The following SLC38A8 variants were observed in gnomAD, a reference collection of about 807,000 sequenced individuals.
SLC38A8 encodes the protein amino acid transporter SLC38A8.
Under a neutral mutation model 46.0 loss-of-function variants are expected in SLC38A8, and 65 were observed. That is an observed-to-expected ratio of 1.41 (90% CI 1.16 to 1.74). SLC38A8 has a LOEUF of 1.74. Among genes scored for constraint, SLC38A8 ranks in the 40% most tolerant of loss-of-function variants. The pLI is 0.00. For synonymous variants in SLC38A8, 447 were observed against 243.7 expected (o/e 1.83, Z -7.77); for missense variants, 998 against 567.9 (o/e 1.76, Z -7.70).
Position 84,036,758 on chromosome 16 carries a change from T to G in SLC38A8, c.332A>C (p.Asn111Thr), listed in dbSNP as rs373620867. The G allele has an allele frequency of 1.9e-6, 3 of 1,613,986 alleles. No individual in the cohort carries two copies. The highest frequency in any genetic ancestry group is 1.7e-6 in the Non-Finnish European group (2 of 1,179,978). The change falls in exon 3 of 11, where the codon AAC (asparagine) becomes ACC (threonine). Residue 111 changes from asparagine to threonine, a missense_variant. Transcript: ENST00000299709. The stretch of plus-strand genomic sequence containing the variant: ...GAAGGCCACGGAGATCATGAGCAGG[T>G]TGAGGAGGAAGCAGGCCTCACACAG... ...GKLCEACFLL[N>T]LLMISVAFLR...
At chr16:84,023,102 G>A (rs138642398) in intron 6 of SLC38A8, among the ~76,000 whole-genome samples, 105 of 151,890 alleles carry the variant, frequency 6.9e-4, no homozygotes, top group African/African-American at 2.2e-3. Context: ...GCCCAAACAC[G>A]CCACAGTACC....
rs533956458 is a variant in SLC38A8 at position 84,018,475 on chromosome 16, T to C, written c.806-1188A>G. Among the ~76,000 whole-genome samples the C allele has an allele frequency of 3.9e-5, 6 of 152,170 alleles. No individual in the cohort carries two copies. In the East Asian group the frequency reaches 1.2e-3, roughly 29 times the overall value. ...ACCTCGTGATCCACCCGCCCTGGCC[T>C]CCCAAAGTGCTGGGATTACAGGCAT... is the stretch of plus-strand genomic sequence containing the variant. On this transcript the variant is annotated intron_variant, in intron 7 of 10. Coordinates refer to ENST00000299709, the MANE Select transcript of SLC38A8 (RefSeq NM_001080442.3).
rs59512513 is a variant in SLC38A8, at chr16:84,038,672, C to A, written c.190-1772G>T. 3.9e-5 allele frequency among the ~76,000 whole-genome samples: 6 copies of A among 152,300 alleles called. No homozygotes were observed. In the East Asian group the frequency reaches 1.2e-3, roughly 29 times the overall value. On this transcript the variant is annotated intron_variant, in intron 2 of 10. Coordinates refer to ENST00000299709, the MANE Select transcript of SLC38A8 (RefSeq NM_001080442.3). ...GCACATGTGCCAGCCAAACTGCTAC[C>A]CACAGGCGGAACATCGCCACACCCC... is the stretch of plus-strand genomic sequence containing the variant.
rs775462704 is a variant in SLC38A8 at position 84,033,460 on chromosome 16, G to C, written c.398C>G (p.Ser133Cys). 5.6e-6 allele frequency: 9 copies of C among 1,605,330 alleles called. No individual in the cohort carries two copies. The highest frequency in any genetic ancestry group is 7.7e-6 in the Non-Finnish European group (9 of 1,176,158). The change falls in exon 4 of 11, where the codon TCC (serine) becomes TGC (cysteine). Residue 133 changes from serine (S) to cysteine (C), a missense_variant. Transcript: ENST00000299709. ...IGDQLEKLCD[S>C]LLSGTPPAPQ... The stretch of plus-strand genomic sequence containing the variant: ...GGCGGGCGGGGTGCCAGACAGGAGG[G>C]AGTCACACACTGCCAGAGACACGGG...
rs756044270 is a variant in SLC38A8 at position 84,033,485 on chromosome 16, G to T, written c.389-16C>A. 6.3e-7 allele frequency: 1 copy of T among 1,583,158 alleles called. No individual in the cohort carries two copies. Among genetic ancestry groups the T allele is most frequent in the Admixed American group, 1.8e-5 (1 of 56,966 alleles). On this transcript the variant is annotated splice_polypyrimidine_tract_variant and intron_variant, in intron 3 of 10. Transcript: ENST00000299709. ...GAGTCACACACTGCCAGAGACACGG[G>T]GAGAGCTGAGCCACAGAGTACAAAT... is the stretch of plus-strand genomic sequence containing the variant.
intron 6 of SLC38A8, among the ~76,000 whole-genome samples, chr16:84,025,909 G>T (rs533565303): frequency 6.6e-6 from 1 of 152,212 alleles, no homozygotes; most frequent in Non-Finnish European, 1.5e-5. Flanking sequence ...CCAGCAGGGG[G>T]GACGCAACCC....
intron 10 of SLC38A8, among the ~76,000 whole-genome samples, chr16:84,011,371 G>T (rs1006563319): frequency 6.6e-6 from 1 of 152,192 alleles, no homozygotes; most frequent in African/African-American, 2.4e-5. Context: ...ACATTGGGAG[G>T]CTGGTTCAAT....
Position 84,042,184 on chromosome 16 carries a change from G to C in SLC38A8, c.-2-25C>G, listed in dbSNP as rs74387059. 2.8e-4 allele frequency: 439 copies of C among 1,589,380 alleles called. 2 individuals are homozygous for C. The East Asian group carries it at 8.6e-3, about 31-fold the overall frequency. ...GCTAGAGGCGGCAGAGGGGTGGAGA[G>C]AAAGCACAGTCTTCACGCTTTCCTC... On this transcript the variant is annotated intron_variant, in intron 1 of 10. Transcript: ENST00000299709.
At chr16:84,031,134 G>A (rs948507831) in intron 5 of SLC38A8, among the ~76,000 whole-genome samples, 7 of 152,166 alleles carry the variant, frequency 4.6e-5, no homozygotes, top group African/African-American at 1.2e-4. Flanking sequence ...TCTGCCACCC[G>A]GTTCAAGCAA....
rs1413128614 is a variant in SLC38A8 at position 84,028,830 on chromosome 16, G to T, written c.690+664C>A. Reference sequence around the variant, plus strand: ...GTGCTGTCCTCTCTACCTGGGGTGCGCTTCCAGTCACCTGGCTGCTGCCCA... The same window carrying T: ...GTGCTGTCCTCTCTACCTGGGGTGCTCTTCCAGTCACCTGGCTGCTGCCCA... On this transcript the variant is annotated intron_variant, in intron 6 of 10. Coordinates refer to ENST00000299709, the MANE Select transcript of SLC38A8 (RefSeq NM_001080442.3). Among the ~76,000 whole-genome samples, 3 of 152,012 alleles carry T rather than the reference G, an allele frequency of 2.0e-5. No individual in the cohort carries two copies. The South Asian group carries it at 6.2e-4, about 32-fold the overall frequency.
At chr16:84,023,656 G>A (rs1338925325) in intron 6 of SLC38A8, among the ~76,000 whole-genome samples, 1 of 152,232 alleles carries the variant, frequency 6.6e-6, no homozygotes, top group African/African-American at 2.4e-5. Flanking sequence ...CACTTTGGGA[G>A]GCCGAAGGGG....
At chr16:84,029,846 G>C (rs1448224723) in intron 5 of SLC38A8, among the ~76,000 whole-genome samples, 1 of 152,228 alleles carries the variant, frequency 6.6e-6, no homozygotes, top group Non-Finnish European at 1.5e-5. Flanking sequence ...CTTGAAGGCT[G>C]CTGGCTCCCA....
At position 84,022,943 on chromosome 16, in the gene SLC38A8, T is replaced by C. The variant is rs535861224; in HGVS notation, c.691-54A>G. The C allele has an allele frequency of 2.0e-5, 27 of 1,371,590 alleles. No individual in the cohort carries two copies. In the Admixed American group the frequency reaches 4.0e-4, roughly 20 times the overall value. 85.0% of individuals were successfully genotyped at this position (1,371,590 alleles called of 1,614,324 possible). ...TGCTGGCTTCCCCTGGAACAGGCGA[T>C]GCGAAAAAAAACTCATATCCAAAAG... is the stretch of plus-strand genomic sequence containing the variant. On this transcript the variant is annotated intron_variant, in intron 6 of 10. Transcript: ENST00000299709.
Position 84,009,846 on chromosome 16 carries a change from C to G in SLC38A8, c.1246G>C (p.Val416Leu), listed in dbSNP as rs750188688. ...CCAAAGATGAAGGTGCCGACCAGCA[C>G]AGAGACCACTCCCCAGACCTCCAGG... Reference protein sequence around the residue: ...CCLEVWGVVSVLVGTFIFGQS... With the variant: ...CCLEVWGVVSLLVGTFIFGQS... The change falls in exon 11 of 11, where the codon GTG (valine) becomes CTG (leucine). Residue 416 changes from valine to leucine, a missense_variant. Physicochemically the swap from Val to Leu is conservative, Grantham distance 32 (BLOSUM62 1). Transcript: ENST00000299709. 6.2e-7 allele frequency: 1 copy of G among 1,614,100 alleles called. No individual in the cohort carries two copies. The highest frequency in any genetic ancestry group is 1.1e-5 in the South Asian group (1 of 91,078).
At chr16:84,025,117 G>A (rs1366720671) in intron 6 of SLC38A8, among the ~76,000 whole-genome samples, 1 of 151,834 alleles carries the variant, frequency 6.6e-6, no homozygotes, top group Non-Finnish European at 1.5e-5. Flanking sequence ...AGCCAGGGCT[G>A]GGCAGGGAGG....
chr16:84,016,562 G>A lies in SLC38A8; in HGVS notation c.1119C>T (p.Ser373=), dbSNP rs151235264. The change falls in exon 9 of 11, where the codon AGC becomes AGT. Residue 373 remains serine (S), a synonymous_variant. Coordinates refer to ENST00000299709, the MANE Select transcript of SLC38A8 (RefSeq NM_001080442.3). ...AGAAGGAACTGATGCCTCCGATGAT[G>A]CTGACGATCTCGCTGAGGTCAGGCA... The part of the protein sequence containing the change: ...LFMPDLSEIV[S]IIGGISSFFI... The A allele has an allele frequency of 6.3e-5, 102 of 1,613,994 alleles. No individual in the cohort carries two copies. Among genetic ancestry groups the A allele is most frequent in the Non-Finnish European group, 8.4e-5 (99 of 1,180,040 alleles).
intron 6 of SLC38A8, among the ~76,000 whole-genome samples, chr16:84,027,909 G>T (rs941022331): frequency 6.6e-6 from 1 of 152,226 alleles, no homozygotes; most frequent in Non-Finnish European, 1.5e-5. Flanking sequence ...ACAGTTGACA[G>T]CAAAATCAGC....
chr16:84,029,584 G>C (rs2085213717), intron 5 of SLC38A8, 33 bp from the exon 6 acceptor site: 1 of 1,610,444 alleles, frequency 6.2e-7, no homozygotes, highest in Admixed American at 1.7e-5. Context: ...GTTTATTAAA[G>C]AAGGGTCACA....
chr16:84,016,670 G>C lies in SLC38A8; in HGVS notation c.1011C>G (p.Ala337=). The C allele has an allele frequency of 6.2e-7, 1 of 1,613,610 alleles. No homozygotes were observed. Among genetic ancestry groups the C allele is most frequent in the Non-Finnish European group, 8.5e-7 (1 of 1,180,014 alleles). The part of the protein sequence containing the change: ...RSCLGGWGPS[A]LADPSGLWVR... ...CCCACAGCCCTGAGGGGTCGGCCAGGGCGCTGGGCCCCCATCCCCCCAAGC... is the reference window on the plus strand; with the variant it reads ...CCCACAGCCCTGAGGGGTCGGCCAGCGCGCTGGGCCCCCATCCCCCCAAGC... The change falls in exon 9 of 11, where the codon GCC becomes GCG. Residue 337 remains alanine, a synonymous_variant. Coordinates refer to ENST00000299709, the MANE Select transcript of SLC38A8 (RefSeq NM_001080442.3).
Sources: allele counts gnomAD v4.1 joint callset (sites outside exome capture counted in the v4.1 genomes callset), GRCh38; gene constraint gnomAD v4.1.1; transcripts MANE v1.5; gene names NCBI Gene and HGNC (gene_info 2026-07-23, HGNC 2026-07-21).